FRMD5: variants seen among roughly 807,000 people sequenced by gnomAD.
FRMD5 encodes FERM domain containing 5, also known as FERM domain-containing protein 5.
Under a neutral mutation model 69.0 loss-of-function variants are expected in FRMD5, and 20 were observed. That is an observed-to-expected ratio of 0.29 (90% confidence interval 0.20 to 0.42). The LOEUF (loss-of-function observed/expected upper bound fraction) is 0.42, where lower values mean the gene tolerates loss of function less well. Among genes scored for constraint, FRMD5 ranks in the 10% least tolerant of loss-of-function variants. The probability of loss-of-function intolerance (pLI) is 1.00; values close to 1 mark genes in which losing one functional copy is unlikely to be tolerated. For synonymous variants in FRMD5, 271 were observed against 260.1 expected (o/e 1.04, Z -0.40); for missense variants, 595 against 708.6 (o/e 0.84, Z 1.82).
chr15:44,097,466 A>C (rs1013302370), intron 1 of FRMD5, among the ~76,000 whole-genome samples: 1 of 152,240 alleles, frequency 6.6e-6, no homozygotes, highest in Non-Finnish European at 1.5e-5. Flanking sequence ...GGTCAACCAG[A>C]CAAGAAGAGG....
chr15:44,039,608 G>A (rs532958109), intron 1 of FRMD5, among the ~76,000 whole-genome samples: 18 of 152,252 alleles, frequency 1.2e-4, no homozygotes, highest in Non-Finnish European at 1.5e-5. Context: ...AGAACTAACA[G>A]ACAGAAAGGA....
chr15:44,101,133 A>G (rs1322766672), intron 1 of FRMD5, among the ~76,000 whole-genome samples: 1 of 149,818 alleles, frequency 6.7e-6, no homozygotes, highest in Non-Finnish European at 1.5e-5. Flanking sequence ...TGGGCAACCA[A>G]GTGATACTCC....
At chr15:43,953,221 A>G (rs1197221800) in intron 1 of FRMD5, among the ~76,000 whole-genome samples, 1 of 152,250 alleles carries the variant, frequency 6.6e-6, no homozygotes, top group Non-Finnish European at 1.5e-5. Flanking sequence ...GGTATCTGCT[A>G]AAGAGTTCTC....
chr15:43,878,927 CTTTTCTTTTTTTT>C lies in FRMD5; in HGVS notation c.1136-4478_1136-4466del, dbSNP rs1215397702. Reference sequence around the variant, plus strand: ...TAGATAGGCATTTCTTTTTTTTTTTCTTTTCTTTTTTTTTTTTTTTTTTGAGATGGAATCTCAC... The same window carrying C: ...TAGATAGGCATTTCTTTTTTTTTTTCTTTTTTTTTTGAGATGGAATCTCAC... On this transcript the variant is annotated intron_variant, in intron 13 of 13. Transcript: ENST00000417257. Among the ~76,000 whole-genome samples the C allele has an allele frequency of 5.5e-3, 733 of 132,652 alleles. 6 individuals are homozygous for C. Among genetic ancestry groups the C allele is most frequent in the African/African-American group, 0.02 (702 of 34,936 alleles). 87.0% of individuals were successfully genotyped at this position (132,652 alleles called of 152,430 possible).
intron 5 of FRMD5, 149 bp downstream of exon 5, chr15:43,909,733 G>T: frequency 2.1e-6 from 1 of 477,486 alleles, no homozygotes; most frequent in Non-Finnish European, 3.8e-6. Flanking sequence ...GCCCACCTCG[G>T]CCTCCCAAAG....
At chr15:44,039,269 C>G (rs1339977686) in intron 1 of FRMD5, among the ~76,000 whole-genome samples, 1 of 152,240 alleles carries the variant, frequency 6.6e-6, no homozygotes, top group African/African-American at 2.4e-5. Flanking sequence ...AATGTCCTTG[C>G]CTGACAGCTC....
At chr15:44,028,839 A>C (rs976246553) in intron 1 of FRMD5, among the ~76,000 whole-genome samples, 2 of 152,192 alleles carry the variant, frequency 1.3e-5, no homozygotes, top group African/African-American at 4.8e-5. Flanking sequence ...CACTACCCCA[A>C]GGGACTGTCT....
intron 1 of FRMD5, among the ~76,000 whole-genome samples, chr15:43,946,100 C>T (rs975646030): frequency 2.6e-5 from 4 of 152,036 alleles, no homozygotes; most frequent in Non-Finnish European, 5.9e-5. Context: ...TCTGACAGCA[C>T]CCAAATCTCT....
Position 43,902,186 on chromosome 15 carries a change from G to A in FRMD5, c.628C>T (p.His210Tyr). 6.2e-7 allele frequency: 1 copy of A among 1,613,308 alleles called. No homozygotes were observed. Among genetic ancestry groups the A allele is most frequent in the Non-Finnish European group, 8.5e-7 (1 of 1,179,268 alleles). ...QTLETYGVDP[H>Y]PCKDVSGNAA... ...CCAGGGGGTCTTACCTTACATGGGT[G>A]AGGATCCACTCCATATGTTTCCAAT... is the stretch of plus-strand genomic sequence containing the variant. The change falls in exon 7 of 14, where the codon CAC becomes TAC. Residue 210 changes from histidine to tyrosine, a missense_variant. By Grantham distance (83) the His-to-Tyr change is moderately conservative. Coordinates refer to ENST00000417257, the MANE Select transcript of FRMD5 (RefSeq NM_032892.5).
intron 1 of FRMD5, among the ~76,000 whole-genome samples, chr15:44,135,748 C>G (rs777210673): frequency 2.9e-4 from 44 of 150,402 alleles, no homozygotes; most frequent in South Asian, 1.1e-3. Flanking sequence ...TTGCTTGAAT[C>G]CGGAAGGTAG....
At chr15:43,940,854 G>C (rs983801691) in intron 1 of FRMD5, among the ~76,000 whole-genome samples, 4 of 152,154 alleles carry the variant, frequency 2.6e-5, no homozygotes, top group African/African-American at 9.7e-5. Context: ...TCTTTAAATC[G>C]AGTATTATCA....
intron 1 of FRMD5, among the ~76,000 whole-genome samples, chr15:44,045,644 G>C (rs1243367755): frequency 5.9e-5 from 9 of 152,138 alleles, no homozygotes; most frequent in Admixed American, 5.2e-4. Flanking sequence ...TTCTTCAATA[G>C]ACAGTACACT....
chr15:44,060,209 C>T (rs990051288), intron 1 of FRMD5, among the ~76,000 whole-genome samples: 54 of 152,308 alleles, frequency 3.5e-4, no homozygotes, highest in African/African-American at 1.3e-3. Flanking sequence ...ACTCATTCTA[C>T]AGCCTAATCC....
intron 6 of FRMD5, among the ~76,000 whole-genome samples, 155 bp downstream of exon 6, chr15:43,905,673 T>C (rs2089153466): frequency 6.6e-6 from 1 of 152,182 alleles, no homozygotes; most frequent in South Asian, 2.1e-4. Flanking sequence ...GCTGTCAGTG[T>C]ATCACTGACA....
intron 1 of FRMD5, among the ~76,000 whole-genome samples, chr15:44,095,148 G>A (rs991144819): frequency 1.3e-5 from 2 of 151,596 alleles, no homozygotes; most frequent in African/African-American, 4.8e-5. Flanking sequence ...ATCTCTATGA[G>A]ACAGGACTTG....
At chr15:43,996,174 G>A (rs922051437) in intron 1 of FRMD5, among the ~76,000 whole-genome samples, 2 of 151,976 alleles carry the variant, frequency 1.3e-5, no homozygotes, top group Non-Finnish European at 1.5e-5. Context: ...TGCAGGGGCT[G>A]GCCTGGAGGC....
chr15:44,136,008 A>G (rs956660388), intron 1 of FRMD5, among the ~76,000 whole-genome samples: 1 of 151,888 alleles, frequency 6.6e-6, no homozygotes, highest in Non-Finnish European at 1.5e-5. Context: ...TATTAAATAG[A>G]ACATTTCCCT....
chr15:43,875,220 G>T (rs978030700), intron 13 of FRMD5, among the ~76,000 whole-genome samples: 1 of 151,652 alleles, frequency 6.6e-6, no homozygotes, highest in Admixed American at 6.6e-5. Flanking sequence ...AGCCAGGTGT[G>T]GTAGTGCATG....
chr15:44,118,357 TA>T (rs1226754533), intron 1 of FRMD5, among the ~76,000 whole-genome samples: 1 of 152,190 alleles, frequency 6.6e-6, no homozygotes, highest in Non-Finnish European at 1.5e-5. Context: ...AAACACATTT[TA>T]AGGCAGATTT....
Sources: allele counts gnomAD v4.1 joint callset (sites outside exome capture counted in the v4.1 genomes callset), GRCh38; gene constraint gnomAD v4.1.1; transcripts MANE v1.5; gene names NCBI Gene and HGNC (gene_info 2026-07-23, HGNC 2026-07-21).